The following TRPM3 variants were observed in gnomAD, a reference collection of about 807,000 sequenced individuals.
The protein encoded by TRPM3 is transient receptor potential cation channel subfamily M member 3, also known as long transient receptor potential channel 3.
A neutral mutation model predicts 181.2 loss-of-function variants in TRPM3; 77 were observed. The ratio of observed to expected loss-of-function variants is 0.42; its 90% CI spans 0.35 to 0.51. The LOEUF (loss-of-function observed/expected upper bound fraction) is 0.51. TRPM3 is among the 20% of genes least tolerant of loss of function. TRPM3 has a pLI of 0.01. For synonymous variants in TRPM3, 745 were observed against 796.4 expected, an observed-to-expected ratio of 0.94 and a Z score of 1.09; for missense variants, 1,759 against 2,196.7, an observed-to-expected ratio of 0.80 and a Z score of 3.98.
chr9:70,881,441 T>A lies in TRPM3; in HGVS notation c.178-16930A>T, dbSNP rs187559541. ...AGATTTAAGTAACATGGAATTTGATTACACAGTGCATTCTGGGGCTCAGCC... is the reference window on the plus strand; with the variant it reads ...AGATTTAAGTAACATGGAATTTGATAACACAGTGCATTCTGGGGCTCAGCC... On this transcript the variant is annotated intron_variant, in intron 1 of 25. Transcript: ENST00000677713. Among the ~76,000 whole-genome samples, 201 of 152,280 alleles carry A rather than the reference T, an allele frequency of 1.3e-3. 2 individuals are homozygous for A. The highest frequency in any genetic ancestry group is 4.6e-3 in the African/African-American group (192 of 41,562).
chr9:70,573,145 G>GT (rs2052911328), intron 22 of TRPM3, among the ~76,000 whole-genome samples: 1 of 152,172 alleles, frequency 6.6e-6, no homozygotes, highest in African/African-American at 2.4e-5. Flanking sequence ...AGAAGCCATA[G>GT]TGAAGTGGTC....
chr9:71,033,335 T>C (rs1262890752), intron 1 of TRPM3, among the ~76,000 whole-genome samples: 1 of 152,210 alleles, frequency 6.6e-6, no homozygotes, highest in Non-Finnish European at 1.5e-5. Flanking sequence ...CTTCACTTAA[T>C]GTCATAGATA....
In TRPM3 at chr9:71,404,707, C is replaced by A. The variant is rs540191411; in HGVS notation, c.183+41946G>T. Among the ~76,000 whole-genome samples the A allele has an allele frequency of 6.6e-5, 10 of 152,250 alleles. No homozygotes were observed. The South Asian group carries it at 2.1e-3, about 32-fold the overall frequency. Reference sequence around the variant, plus strand: ...GGTCTGCTTACATCATCCAATGGCTCCCCATTGCATAGAGAATAAAGCCTG... The same window carrying A: ...GGTCTGCTTACATCATCCAATGGCTACCCATTGCATAGAGAATAAAGCCTG... On this transcript the variant is annotated intron_variant, in intron 1 of 24. Transcript: ENST00000357533.
intron 24 of TRPM3, among the ~76,000 whole-genome samples, chr9:70,550,951 G>A (rs566941061): frequency 1.3e-5 from 2 of 152,220 alleles, no homozygotes; most frequent in East Asian, 3.9e-4. Context: ...CTCGAGGGAG[G>A]GGAAAGAAAA....
intron 1 of TRPM3, among the ~76,000 whole-genome samples, chr9:71,396,284 C>CAA (rs1414299593): frequency 1.7e-5 from 2 of 115,568 alleles, no homozygotes; most frequent in African/African-American, 6.4e-5. Context: ...AACAAACAAA[C>CAA]AAAAAAAGTG....
chr9:71,041,600 C>A (rs2058831658), intron 1 of TRPM3, among the ~76,000 whole-genome samples: 1 of 152,108 alleles, frequency 6.6e-6, no homozygotes, highest in Non-Finnish European at 1.5e-5. Context: ...TCCCACTCGA[C>A]CCAGCTCAGA....
intron 1 of TRPM3, among the ~76,000 whole-genome samples, chr9:70,998,370 T>C (rs751790124): frequency 3.9e-4 from 59 of 152,130 alleles, no homozygotes; most frequent in Non-Finnish European, 7.1e-4. Context: ...AGAACAATTT[T>C]AGGTTTGCAG....
chr9:70,812,589 G>C (rs12552572), intron 6 of TRPM3, among the ~76,000 whole-genome samples: 47,599 of 151,932 alleles, frequency 0.31, 9,066 homozygotes, highest in African/African-American at 0.53. Context: ...GGCCATTCTA[G>C]CACTGTGTAT....
chr9:70,628,818 T>TAAAAAAAAAAA (rs10699305), intron 12 of TRPM3, among the ~76,000 whole-genome samples: 6 of 89,542 alleles, frequency 6.7e-5, no homozygotes, highest in East Asian at 4.6e-4. Context: ...GACTCTGTCT[T>TAAAAAAAAAAA]AAAAAAAAAA....
At chr9:71,166,821 TAA>T (rs1293710981) in intron 1 of TRPM3, among the ~76,000 whole-genome samples, 1 of 152,186 alleles carries the variant, frequency 6.6e-6, no homozygotes, top group African/African-American at 2.4e-5. Context: ...TTATCAAACA[TAA>T]GTTATTTAGA....
intron 1 of TRPM3, among the ~76,000 whole-genome samples, chr9:71,157,311 G>T (rs2076056517): frequency 6.6e-6 from 1 of 152,118 alleles, no homozygotes; most frequent in Admixed American, 6.6e-5. Context: ...AAAGTCAGAA[G>T]CAGATTACCA....
At chr9:71,078,739 G>A (rs1460978615) in intron 1 of TRPM3, among the ~76,000 whole-genome samples, 1 of 152,124 alleles carries the variant, frequency 6.6e-6, no homozygotes, top group Admixed American at 6.5e-5. Context: ...CTGCTGGCAA[G>A]GCCTAATGAG....
At chr9:71,222,661 G>A (rs1441029811) in intron 1 of TRPM3, among the ~76,000 whole-genome samples, 1 of 152,202 alleles carries the variant, frequency 6.6e-6, no homozygotes, top group African/African-American at 2.4e-5. Flanking sequence ...GGACTGAAGA[G>A]GGTGGATAAG....
chr9:70,816,304 A>G lies in TRPM3; in HGVS notation c.973+11543T>C, dbSNP rs139133167. On this transcript the variant is annotated intron_variant, in intron 6 of 25. Coordinates refer to ENST00000677713, the MANE Select transcript of TRPM3 (RefSeq NM_001366145.2). ...CCTTCAGGACTGTCTGTATCTTGCC[A>G]AATCATTAGTTATCACTTAGGTGTT... Among the ~76,000 whole-genome samples, 883 of 152,334 alleles carry G rather than the reference A, an allele frequency of 5.8e-3. 14 individuals are homozygous for G. The highest frequency in any genetic ancestry group is 0.019 in the African/African-American group (795 of 41,578).
intron 1 of TRPM3, among the ~76,000 whole-genome samples, chr9:71,414,826 G>A (rs2131482997): frequency 6.6e-6 from 1 of 152,120 alleles, no homozygotes; most frequent in Middle Eastern, 3.4e-3. Flanking sequence ...TTAAAAATGT[G>A]TAGGAAAGAC....
rs1404917806 is a variant in TRPM3, at chr9:70,535,186, A to AT, written c.*766dup. ...TAGACTTGAACGCCCACTGTATATA[A>AT]TAAATCACTTGACTTTTGTTTTTTT... On this transcript the variant is annotated 3_prime_UTR_variant, in exon 26 of 26. Transcript: ENST00000677713. The AT allele has an allele frequency of 3.9e-5, 21 of 539,710 alleles. No individual in the cohort carries two copies. Among genetic ancestry groups the AT allele is most frequent in the African/African-American group, 3.6e-4 (19 of 53,052 alleles). The allele number at this position is 539,710 out of a possible 1,614,324, so 33.4% of individuals were successfully genotyped here.
chr9:71,161,855 C>A (rs921030134), intron 1 of TRPM3, among the ~76,000 whole-genome samples: 1 of 152,044 alleles, frequency 6.6e-6, no homozygotes, highest in African/African-American at 2.4e-5. Flanking sequence ...TTACTATATT[C>A]ATATTACTGA....
rs139025471 is a variant in TRPM3, at chr9:71,085,224, C to G, written c.177+35954G>C. Among the ~76,000 whole-genome samples, 9 of 151,902 alleles carry G rather than the reference C, an allele frequency of 5.9e-5. No homozygotes were observed. In the East Asian group the frequency reaches 1.4e-3, roughly 23 times the overall value. The stretch of plus-strand genomic sequence containing the variant: ...TCATTCTGGACATAGGACTTGGGAA[C>G]TAATTTATGACTAAGTCCTTGAAAG... On this transcript the variant is annotated intron_variant, in intron 1 of 25. Coordinates refer to ENST00000677713, the MANE Select transcript of TRPM3 (RefSeq NM_001366145.2).
At chr9:71,220,575 T>G (rs1588017276) in intron 1 of TRPM3, among the ~76,000 whole-genome samples, 1 of 152,052 alleles carries the variant, frequency 6.6e-6, no homozygotes, top group Middle Eastern at 3.4e-3. Context: ...GCAGTACAAC[T>G]TAGAAAAAAA....
Sources: allele counts gnomAD v4.1 joint callset (sites outside exome capture counted in the v4.1 genomes callset), GRCh38; gene constraint gnomAD v4.1.1; transcripts MANE v1.5; gene names NCBI Gene and HGNC (gene_info 2026-07-23, HGNC 2026-07-21).